HDAC9: variants seen among roughly 807,000 people sequenced by gnomAD.
HDAC9 encodes the protein histone deacetylase 9, also known as MEF-2 interacting transcription repressor (MITR) protein.
Under a neutral mutation model 139.4 loss-of-function variants are expected in HDAC9, and 41 were observed. That is an observed-to-expected ratio of 0.29 (90% confidence interval 0.23 to 0.38). The LOEUF (loss-of-function observed/expected upper bound fraction) is 0.38, where lower values mean the gene tolerates loss of function less well. Among genes scored for constraint, HDAC9 ranks in the 10% least tolerant of loss-of-function variants. The probability of loss-of-function intolerance (pLI) is 1.00; values close to 1 mark genes in which losing one functional copy is unlikely to be tolerated. For missense variants in HDAC9, 1,147 were observed against 1,297.0 expected (o/e 0.88, Z 1.78); for synonymous variants, 517 against 476.2 (o/e 1.09, Z -1.12).
chr7:18,482,952 C>T (rs146715927), intron 1 of HDAC9, among the ~76,000 whole-genome samples: 351 of 152,246 alleles, frequency 2.3e-3, no homozygotes, highest in African/African-American at 8.0e-3. Context: ...CAAAGTCTAA[C>T]GCATTACTCT....
At chr7:18,597,161 A>C (rs1832729348) in intron 6 of HDAC9, among the ~76,000 whole-genome samples, 4 of 152,168 alleles carry the variant, frequency 2.6e-5, no homozygotes. Context: ...AATTATATTA[A>C]AAGTTGGCTC....
intron 22 of HDAC9, among the ~76,000 whole-genome samples, chr7:18,926,751 CATTGAAGT>C (rs1804265156): frequency 6.6e-6 from 1 of 152,082 alleles, no homozygotes; most frequent in African/African-American, 2.4e-5. Context: ...AAAATAATGG[CATTGAAGT>C]ATTCTGTTGT....
chr7:18,372,288 C>G (rs944681493), intron 1 of HDAC9, among the ~76,000 whole-genome samples: 1 of 152,200 alleles, frequency 6.6e-6, no homozygotes, highest in African/African-American at 2.4e-5. Context: ...CATGGACACT[C>G]ATGAGAATCT....
intron 2 of HDAC9, among the ~76,000 whole-genome samples, chr7:18,278,661 A>G (rs1262744299): frequency 6.6e-6 from 1 of 152,162 alleles, no homozygotes; most frequent in Non-Finnish European, 1.5e-5. Flanking sequence ...ATTCTATATG[A>G]TGCAGTTATT....
intron 4 of HDAC9, among the ~76,000 whole-genome samples, chr7:18,591,226 A>AT (rs1488070017): frequency 6.6e-6 from 1 of 152,176 alleles, no homozygotes; most frequent in Non-Finnish European, 1.5e-5. Flanking sequence ...AAAAAAGTTG[A>AT]TTTTGGGAAT....
chr7:18,405,511 AT>A (rs10718994), intron 1 of HDAC9, among the ~76,000 whole-genome samples: 112,845 of 152,002 alleles, frequency 0.74, 41,978 homozygotes, highest in South Asian at 0.82. Context: ...GGGAATAGCC[AT>A]TTTGGTTCCT....
chr7:18,548,942 A>G (rs1318139784), intron 2 of HDAC9, among the ~76,000 whole-genome samples: 1 of 152,210 alleles, frequency 6.6e-6, no homozygotes, highest in African/African-American at 2.4e-5. Flanking sequence ...CTGATTCTTT[A>G]AAGATATAAA....
At chr7:18,606,584 G>T (rs1335995973) in intron 6 of HDAC9, among the ~76,000 whole-genome samples, 3 of 152,040 alleles carry the variant, frequency 2.0e-5, no homozygotes, top group African/African-American at 7.2e-5. Flanking sequence ...TTGTCTTACT[G>T]TTTTCATAAC....
chr7:18,350,085 T>G (rs532626613), intron 1 of HDAC9, among the ~76,000 whole-genome samples: 1 of 152,278 alleles, frequency 6.6e-6, no homozygotes, highest in East Asian at 1.9e-4. Flanking sequence ...TATCTTTTAT[T>G]TTGAAGTTTG....
At chr7:18,673,805 A>G (rs913337317) in intron 12 of HDAC9, among the ~76,000 whole-genome samples, 2 of 152,064 alleles carry the variant, frequency 1.3e-5, no homozygotes, top group African/African-American at 4.8e-5. Context: ...CTTAATTAAC[A>G]TAGAGGCATA....
chr7:18,833,648 A>T (rs1796017029), intron 19 of HDAC9, among the ~76,000 whole-genome samples: 1 of 152,134 alleles, frequency 6.6e-6, no homozygotes, highest in South Asian at 2.1e-4. Context: ...CCAGGAATTG[A>T]TATAATTTGA....
intron 23 of HDAC9, among the ~76,000 whole-genome samples, chr7:18,941,119 CTT>C (rs1781996100): frequency 1.3e-5 from 2 of 151,696 alleles, no homozygotes; most frequent in Admixed American, 1.3e-4. Flanking sequence ...TTCCCTCACT[CTT>C]TTTAAAATTT....
chr7:18,863,627 A>T (rs1227145451), intron 21 of HDAC9, among the ~76,000 whole-genome samples: 1 of 152,152 alleles, frequency 6.6e-6, no homozygotes, highest in Non-Finnish European at 1.5e-5. Flanking sequence ...TCTTCCCTAG[A>T]GAACTTGAAT....
chr7:18,248,890 T>C (rs1047493770), intron 2 of HDAC9, among the ~76,000 whole-genome samples: 2 of 152,372 alleles, frequency 1.3e-5, no homozygotes, highest in Non-Finnish European at 2.9e-5. Flanking sequence ...TCAAAAAATA[T>C]ATAAAGACAG....
rs140304570 is a variant in HDAC9 at position 18,776,292 on chromosome 7, A to G, written c.2214+9137A>G. Among the ~76,000 whole-genome samples, 4 of 151,834 alleles carry G rather than the reference A, an allele frequency of 2.6e-5. No homozygotes were observed. The East Asian group carries it at 7.8e-4, about 30-fold the overall frequency. On this transcript the variant is annotated intron_variant, in intron 16 of 25. Transcript: ENST00000686413. ...GCGCAGTATCCAGCATCAATCCACA[A>G]CTCCATTAATAGCAAATGTGGAAGA...
chr7:18,288,567 G>A (rs953985620), upstream of HDAC9, among the ~76,000 whole-genome samples: 1 of 152,140 alleles, frequency 6.6e-6, no homozygotes, highest in Admixed American at 6.6e-5. Flanking sequence ...TCCTCAATAT[G>A]TAAGTTATGT....
chr7:18,375,146 G>T (rs1195626811), intron 1 of HDAC9, among the ~76,000 whole-genome samples: 1 of 152,188 alleles, frequency 6.6e-6, no homozygotes, highest in Non-Finnish European at 1.5e-5. Context: ...CTTCATGCAT[G>T]TTACTACATA....
At chr7:18,303,358 C>T (rs958788925) in intron 1 of HDAC9, among the ~76,000 whole-genome samples, 2 of 148,798 alleles carry the variant, frequency 1.3e-5, no homozygotes, top group Admixed American at 6.8e-5. Context: ...AGGCACCCAC[C>T]GCCACGCCCA....
intron 1 of HDAC9, among the ~76,000 whole-genome samples, chr7:18,294,413 T>C (rs561387881): frequency 2.4e-4 from 37 of 152,132 alleles, no homozygotes; most frequent in Non-Finnish European, 5.1e-4. Flanking sequence ...AGTATTTATA[T>C]AGCGTATCCT....
Sources: allele counts gnomAD v4.1 joint callset (sites outside exome capture counted in the v4.1 genomes callset), GRCh38; gene constraint gnomAD v4.1.1; transcripts MANE v1.5; gene names NCBI Gene and HGNC (gene_info 2026-07-23, HGNC 2026-07-21).